Variants in TMEM135 observed in about 807,000 individuals in gnomAD.
TMEM135 encodes transmembrane protein 135.
A neutral mutation model predicts 60.3 loss-of-function variants in TMEM135; 30 were observed. The ratio of observed to expected loss-of-function variants is 0.50; its 90% confidence interval spans 0.37 to 0.68. The LOEUF is 0.68. Ranked by LOEUF, TMEM135 falls within the 30% of genes least tolerant of loss-of-function variation. TMEM135 has a pLI of 0.00. For synonymous variants in TMEM135, 190 were observed against 186.7 expected (o/e 1.02, Z -0.14); for missense variants, 468 against 548.8 (o/e 0.85, Z 1.47).
At chr11:87,118,530 C>A (rs971399923) in intron 4 of TMEM135, among the ~76,000 whole-genome samples, 3 of 151,822 alleles carry the variant, frequency 2.0e-5, no homozygotes, top group Non-Finnish European at 4.4e-5. Flanking sequence ...CTCACTGCAA[C>A]CTCCACCTCC....
intron 6 of TMEM135, among the ~76,000 whole-genome samples, chr11:87,251,814 G>A (rs913312805): frequency 1.3e-5 from 2 of 152,174 alleles, no homozygotes; most frequent in East Asian, 1.9e-4. Flanking sequence ...CTTAGCAAAC[G>A]CAGAGTTAAG....
At chr11:87,120,503 G>A (rs189559877) in intron 4 of TMEM135, among the ~76,000 whole-genome samples, 58 of 117,586 alleles carry the variant, frequency 4.9e-4, no homozygotes, top group African/African-American at 1.8e-3. Flanking sequence ...ACAGAGTTTC[G>A]CTCTGTCACC....
intron 1 of TMEM135, among the ~76,000 whole-genome samples, chr11:87,040,690 C>T (rs576100342): frequency 6.6e-6 from 1 of 150,950 alleles, no homozygotes; most frequent in East Asian, 1.9e-4. Flanking sequence ...ATCAGGGTAT[C>T]AGGATTTGAA....
At chr11:87,066,688 A>G (rs1227127590) in intron 1 of TMEM135, among the ~76,000 whole-genome samples, 1 of 150,756 alleles carries the variant, frequency 6.6e-6, no homozygotes, top group Non-Finnish European at 1.5e-5. Context: ...AAACAGTCCT[A>G]TGATAAACTT....
At chr11:87,183,955 C>A (rs1407443199) in intron 5 of TMEM135, among the ~76,000 whole-genome samples, 118 of 80,096 alleles carry the variant, frequency 1.5e-3, no homozygotes, top group African/African-American at 2.2e-3. Flanking sequence ...GACTTCGTCG[C>A]AAAAAAAAAA....
At chr11:87,135,644 T>C (rs118089131) in intron 4 of TMEM135, among the ~76,000 whole-genome samples, 27 of 152,182 alleles carry the variant, frequency 1.8e-4, no homozygotes, top group Non-Finnish European at 2.8e-4. Context: ...TAACTGTAGG[T>C]ATATGATAAC....
intron 4 of TMEM135, among the ~76,000 whole-genome samples, chr11:87,093,688 G>A (rs1857260373): frequency 6.6e-6 from 1 of 151,718 alleles, no homozygotes; most frequent in Admixed American, 6.6e-5. Context: ...GCACCATCAC[G>A]CCTGGCTAAT....
intron 3 of TMEM135, among the ~76,000 whole-genome samples, chr11:87,086,407 C>T (rs1857097172): frequency 6.6e-6 from 1 of 152,144 alleles, no homozygotes; most frequent in Admixed American, 6.5e-5. Context: ...CCATGTTTGG[C>T]AGTTTCCAGG....
chr11:87,249,109 T>C (rs1941358729), intron 6 of TMEM135, among the ~76,000 whole-genome samples: 1 of 152,200 alleles, frequency 6.6e-6, no homozygotes, highest in Non-Finnish European at 1.5e-5. Flanking sequence ...TTGCTCTAGC[T>C]AGGACTTCCA....
intron 3 of TMEM135, among the ~76,000 whole-genome samples, chr11:87,078,324 A>G (rs970921872): frequency 2.0e-5 from 3 of 152,194 alleles, no homozygotes; most frequent in Non-Finnish European, 4.4e-5. Flanking sequence ...TCAGATGACT[A>G]ATGATATTGA....
chr11:87,299,089 CA>C (rs571107346), intron 7 of TMEM135, among the ~76,000 whole-genome samples: 1 of 151,502 alleles, frequency 6.6e-6, no homozygotes, highest in African/African-American at 2.4e-5. Flanking sequence ...AACTCCATCT[CA>C]AAAAAAACAA....
chr11:87,172,156 C>G (rs1315616940), intron 5 of TMEM135, among the ~76,000 whole-genome samples: 2 of 152,130 alleles, frequency 1.3e-5, no homozygotes, highest in Non-Finnish European at 2.9e-5. Flanking sequence ...TCACCAAAGA[C>G]TTTGTCTATG....
At chr11:87,049,660 A>G (rs887428908) in intron 1 of TMEM135, among the ~76,000 whole-genome samples, 2 of 104,754 alleles carry the variant, frequency 1.9e-5, no homozygotes, top group Non-Finnish European at 4.0e-5. Flanking sequence ...ACCCAGATTC[A>G]TAAAGCAAGT....
At chr11:87,140,157 T>A (rs949909918) in intron 4 of TMEM135, among the ~76,000 whole-genome samples, 5 of 152,038 alleles carry the variant, frequency 3.3e-5, no homozygotes, top group Admixed American at 6.6e-5. Flanking sequence ...AACCTCTACC[T>A]CCCAGGTTCA....
intron 5 of TMEM135, among the ~76,000 whole-genome samples, chr11:87,182,183 C>T (rs143211182): frequency 1.3e-5 from 2 of 151,818 alleles, no homozygotes; most frequent in Non-Finnish European, 2.9e-5. Context: ...ATGAAATGTA[C>T]GTTTTTTAGT....
At chr11:87,245,832 G>C (rs1329230501) in intron 6 of TMEM135, among the ~76,000 whole-genome samples, 1 of 86,646 alleles carries the variant, frequency 1.2e-5, no homozygotes, top group Admixed American at 1.0e-4. Context: ...CTTTTAATTG[G>C]AGCATTTAGT....
intron 3 of TMEM135, among the ~76,000 whole-genome samples, chr11:87,080,743 G>A (rs1856972554): frequency 6.6e-6 from 1 of 152,140 alleles, no homozygotes; most frequent in African/African-American, 2.4e-5. Flanking sequence ...CTGGAGTGCA[G>A]TGGCATGATG....
chr11:87,093,941 TTA>T (rs992540243), intron 4 of TMEM135, among the ~76,000 whole-genome samples: 9 of 152,190 alleles, frequency 5.9e-5, no homozygotes, highest in African/African-American at 2.2e-4. Flanking sequence ...AATCCAGATT[TTA>T]TGTTAATTAA....
chr11:87,320,547 A>G (rs771740258), intron 14 of TMEM135, among the ~76,000 whole-genome samples: 5 of 152,204 alleles, frequency 3.3e-5, no homozygotes, highest in Non-Finnish European at 5.9e-5. Flanking sequence ...CAGAAAGGAA[A>G]TGCTTGTGAA....
Sources: gnomAD v4.1 joint callset for allele counts (sites outside exome capture counted in the v4.1 genomes callset) on GRCh38, gnomAD v4.1.1 for gene constraint, MANE v1.5 for transcripts, NCBI Gene and HGNC (gene_info 2026-07-23, HGNC 2026-07-21) for gene names.